PLCB1: variants seen among roughly 807,000 people sequenced by gnomAD.
PLCB1 encodes 1-phosphatidylinositol 4,5-bisphosphate phosphodiesterase beta-1.
A neutral mutation model predicts 161.8 loss-of-function variants in PLCB1; 46 were observed. That is an observed-to-expected ratio of 0.28 (90% CI 0.22 to 0.36). The LOEUF is 0.36. Ranked by LOEUF, PLCB1 falls within the 10% of genes least tolerant of loss-of-function variation. The pLI is 1.00. For missense variants in PLCB1, 1,016 were observed against 1,472.5 expected, an observed-to-expected ratio of 0.69 and a Z score of 5.07; for synonymous variants, 517 against 503.7, an observed-to-expected ratio of 1.03 and a Z score of -0.35.
At chr20:8,382,008 T>C (rs909759912) in intron 3 of PLCB1, among the ~76,000 whole-genome samples, 7 of 152,140 alleles carry the variant, frequency 4.6e-5, no homozygotes, top group African/African-American at 1.7e-4. Flanking sequence ...TTGGATTAGT[T>C]TGGCCTTGCT....
At chr20:8,428,107 T>A (rs1290811431) in intron 3 of PLCB1, among the ~76,000 whole-genome samples, 1 of 152,154 alleles carries the variant, frequency 6.6e-6, no homozygotes, top group African/African-American at 2.4e-5. Context: ...TACAACCAGG[T>A]TGGGTCCAAA....
In PLCB1 at chr20:8,167,256, A is replaced by G. The variant is rs144280080; in HGVS notation, c.177+16885A>G. Among the ~76,000 whole-genome samples the G allele has an allele frequency of 4.5e-3, 693 of 152,322 alleles. 5 individuals are homozygous for G. The highest frequency in any genetic ancestry group is 6.8e-3 in the Middle Eastern group (2 of 294). On this transcript the variant is annotated intron_variant, in intron 2 of 31. Coordinates refer to ENST00000338037, the MANE Select transcript of PLCB1 (RefSeq NM_015192.4). ...CATGAGTTAGGGCAGTGCTTGGCAC[A>G]TTGTAGGAACTCCAAGACTATTAGT... is the stretch of plus-strand genomic sequence containing the variant.
intron 2 of PLCB1, among the ~76,000 whole-genome samples, chr20:8,284,497 G>A (rs1160860228): frequency 6.6e-6 from 1 of 152,058 alleles, no homozygotes; most frequent in Non-Finnish European, 1.5e-5. Flanking sequence ...CAGAGCCTTG[G>A]GAGGCTGAGG....
At chr20:8,189,074 A>G (rs1436584375) in intron 2 of PLCB1, among the ~76,000 whole-genome samples, 1 of 152,014 alleles carries the variant, frequency 6.6e-6, no homozygotes, top group Non-Finnish European at 1.5e-5. Flanking sequence ...TTCATTCTCT[A>G]TCTCTGTACA....
At chr20:8,458,730 G>T (rs1021551924) in intron 3 of PLCB1, among the ~76,000 whole-genome samples, 1 of 152,140 alleles carries the variant, frequency 6.6e-6, no homozygotes, top group African/African-American at 2.4e-5. Flanking sequence ...TGTCATTCTG[G>T]ACTCTTAAGT....
chr20:8,683,845 C>T (rs1032381234), intron 9 of PLCB1, among the ~76,000 whole-genome samples: 2 of 151,426 alleles, frequency 1.3e-5, no homozygotes, highest in Non-Finnish European at 2.9e-5. Flanking sequence ...TTGTGGGCAT[C>T]TTTATTTTCT....
At chr20:8,567,130 C>T (rs1986361866) in intron 3 of PLCB1, among the ~76,000 whole-genome samples, 1 of 152,154 alleles carries the variant, frequency 6.6e-6, no homozygotes, top group Non-Finnish European at 1.5e-5. Context: ...ACTGGCCTCA[C>T]AAACACTGCA....
intron 25 of PLCB1, among the ~76,000 whole-genome samples, chr20:8,762,702 G>C (rs1982105772): frequency 6.6e-6 from 1 of 152,122 alleles, no homozygotes; most frequent in South Asian, 2.1e-4. Flanking sequence ...AATGTACCTG[G>C]TTTTCTCCAT....
intron 3 of PLCB1, among the ~76,000 whole-genome samples, chr20:8,584,471 T>TACACAC (rs1342013264): frequency 8.7e-6 from 1 of 115,098 alleles, no homozygotes; most frequent in African/African-American, 3.7e-5. Flanking sequence ...CACACACACA[T>TACACAC]ACACACACAC....
chr20:8,367,538 C>A (rs1031399842), intron 2 of PLCB1, among the ~76,000 whole-genome samples: 3 of 152,228 alleles, frequency 2.0e-5, no homozygotes, highest in Admixed American at 1.3e-4. Context: ...AATTGATGCT[C>A]AGTGTGGTAA....
rs150247202 is a variant in PLCB1 at position 8,471,451 on chromosome 20, G to A, written c.246+100001G>A. ...TATATTGCCCTGGAGAGCTCAGATT[G>A]TGACAACTGGACAGGTACAAAGACT... is the stretch of plus-strand genomic sequence containing the variant. On this transcript the variant is annotated intron_variant, in intron 3 of 31. Coordinates refer to ENST00000338037, the MANE Select transcript of PLCB1 (RefSeq NM_015192.4). Among the ~76,000 whole-genome samples, 4 of 152,244 alleles carry A rather than the reference G, an allele frequency of 2.6e-5. No individual in the cohort carries two copies. In the East Asian group the frequency reaches 7.7e-4, roughly 29 times the overall value.
Position 8,226,695 on chromosome 20 carries a change from T to A in PLCB1, c.177+76324T>A, listed in dbSNP as rs539191952. Among the ~76,000 whole-genome samples, 4 of 152,160 alleles carry A rather than the reference T, an allele frequency of 2.6e-5. 1 individual carries two copies. In the South Asian group the frequency reaches 8.3e-4, roughly 32 times the overall value. Reference sequence around the variant, plus strand: ...AAAAGGAGCAAGTAAAACTAATTTTTTTTTTTTTTTGAGACGAAATCTCAC... The same window carrying A: ...AAAAGGAGCAAGTAAAACTAATTTTATTTTTTTTTTGAGACGAAATCTCAC... On this transcript the variant is annotated intron_variant, in intron 2 of 31. Coordinates refer to ENST00000338037, the MANE Select transcript of PLCB1 (RefSeq NM_015192.4).
intron 3 of PLCB1, among the ~76,000 whole-genome samples, chr20:8,523,480 CT>C (rs1984437229): frequency 1.7e-5 from 1 of 59,492 alleles, no homozygotes; most frequent in African/African-American, 9.2e-5. Context: ...CTCTCTCTCT[CT>C]CTCTCTCTCT....
At chr20:8,165,514 T>C (rs1302498513) in intron 2 of PLCB1, among the ~76,000 whole-genome samples, 1 of 152,246 alleles carries the variant, frequency 6.6e-6, no homozygotes, top group East Asian at 1.9e-4. Context: ...TGCCTTCCTT[T>C]ACCTTAGCAC....
At chr20:8,836,981 C>T (rs1205775661) in intron 31 of PLCB1, among the ~76,000 whole-genome samples, 1 of 152,146 alleles carries the variant, frequency 6.6e-6, no homozygotes, top group Non-Finnish European at 1.5e-5. Flanking sequence ...CACAAGGTGT[C>T]TACTGTTAAA....
chr20:8,390,729 T>G (rs1309509643), intron 3 of PLCB1, among the ~76,000 whole-genome samples: 1 of 152,176 alleles, frequency 6.6e-6, no homozygotes, highest in Non-Finnish European at 1.5e-5. Flanking sequence ...CACTAATTTC[T>G]GCATGCCCCA....
At chr20:8,214,111 C>T (rs1275084394) in intron 2 of PLCB1, among the ~76,000 whole-genome samples, 5 of 152,110 alleles carry the variant, frequency 3.3e-5, no homozygotes, top group East Asian at 1.9e-4. Flanking sequence ...CAGTCTTACA[C>T]GTAAGCTTCC....
chr20:8,544,270 A>G (rs1432896164), intron 3 of PLCB1, among the ~76,000 whole-genome samples: 2 of 152,232 alleles, frequency 1.3e-5, no homozygotes, highest in Admixed American at 6.5e-5. Flanking sequence ...AATAGTGGGT[A>G]TGTGAGCATG....
At chr20:8,794,239 A>C (rs1376593822) in intron 31 of PLCB1, among the ~76,000 whole-genome samples, 1 of 152,246 alleles carries the variant, frequency 6.6e-6, no homozygotes, top group Non-Finnish European at 1.5e-5. Flanking sequence ...AAGAGAATAA[A>C]ATAAAGACAG....
Sources: gnomAD v4.1 joint callset for allele counts (sites outside exome capture counted in the v4.1 genomes callset) on GRCh38, gnomAD v4.1.1 for gene constraint, MANE v1.5 for transcripts, NCBI Gene and HGNC (gene_info 2026-07-23, HGNC 2026-07-21) for gene names.